BMP7: variants seen among roughly 807,000 people sequenced by gnomAD.
BMP7 encodes the protein bone morphogenetic protein 7, also known as osteogenic protein 1.
A neutral mutation model predicts 41.2 loss-of-function variants in BMP7; 12 were observed. The ratio of observed to expected loss-of-function variants is 0.29; its 90% CI spans 0.19 to 0.47. The LOEUF is 0.47. Ranked by LOEUF, BMP7 falls within the 20% of genes least tolerant of loss-of-function variation. The pLI is 0.99. For missense variants in BMP7, 467 were observed against 606.0 expected, an observed-to-expected ratio of 0.77 and a Z score of 2.41; for synonymous variants, 248 against 250.0, an observed-to-expected ratio of 0.99 and a Z score of 0.07.
At chr20:57,210,933 G>C (rs1449863917) in intron 2 of BMP7, among the ~76,000 whole-genome samples, 1 of 152,196 alleles carries the variant, frequency 6.6e-6, no homozygotes, top group Non-Finnish European at 1.5e-5. Context: ...ACCAGTTCTG[G>C]GCCATAATTT....
chr20:57,236,483 T>C (rs2123124901), intron 1 of BMP7, among the ~76,000 whole-genome samples: 1 of 152,310 alleles, frequency 6.6e-6, no homozygotes. Context: ...ATTGGGTTTA[T>C]GGATAAAGTT....
intron 1 of BMP7, among the ~76,000 whole-genome samples, chr20:57,246,932 T>C (rs902916292): frequency 6.6e-6 from 1 of 151,930 alleles, no homozygotes; most frequent in Admixed American, 6.6e-5. Flanking sequence ...GAAGTTGCAG[T>C]GAGCCAAGAT....
rs1984569547 is a variant in BMP7, at chr20:57,199,279, G to A, written c.760+3196C>T. 2.0e-5 allele frequency among the ~76,000 whole-genome samples: 3 copies of A among 152,190 alleles called. No individual in the cohort carries two copies. In the South Asian group the frequency reaches 6.2e-4, roughly 31 times the overall value. ...AACCCGAGGGGTACCTGTCAGCCCA[G>A]GCACCATCTTGTAAACAGGCTGCCC... On this transcript the variant is annotated intron_variant, in intron 3 of 6. Transcript: ENST00000395863.
At chr20:57,251,409 A>G (rs1457361766) in intron 1 of BMP7, among the ~76,000 whole-genome samples, 1 of 152,152 alleles carries the variant, frequency 6.6e-6, no homozygotes, top group Admixed American at 6.5e-5. Context: ...AACACAGGAG[A>G]ACAGGGTGCT....
intron 2 of BMP7, among the ~76,000 whole-genome samples, chr20:57,209,394 G>A (rs1984829226): frequency 1.3e-5 from 2 of 151,228 alleles, no homozygotes; most frequent in Admixed American, 1.3e-4. Flanking sequence ...GCAGTGAGCT[G>A]TGATCACGCT....
chr20:57,265,525 A>C (rs2066173125), intron 1 of BMP7, among the ~76,000 whole-genome samples, 180 bp downstream of exon 1: 1 of 152,178 alleles, frequency 6.6e-6, no homozygotes, highest in South Asian at 2.1e-4. Context: ...AGCGCGCCCG[A>C]CCTGGGGGCG....
chr20:57,185,543 G>A (rs1427245437), intron 3 of BMP7, among the ~76,000 whole-genome samples: 1 of 152,202 alleles, frequency 6.6e-6, no homozygotes, highest in African/African-American at 2.4e-5. Flanking sequence ...GGAAATAGAG[G>A]GTGGAAGACA....
chr20:57,218,104 GAC>G (rs1985077387), intron 2 of BMP7, among the ~76,000 whole-genome samples: 1 of 152,104 alleles, frequency 6.6e-6, no homozygotes, highest in Non-Finnish European at 1.5e-5. Context: ...CACAGGGCCC[GAC>G]ACACAGAAGT....
chr20:57,174,816 G>A lies in BMP7; in HGVS notation c.1035+115C>T, dbSNP rs1380873772. On this transcript the variant is annotated intron_variant, in intron 5 of 6. Coordinates refer to ENST00000395863, the MANE Select transcript of BMP7 (RefSeq NM_001719.3). The surrounding 1 kb of genome is among the most constrained non-coding windows in gnomAD (Gnocchi z 4.3). ...GTCCCCTTCCCTAGCGAGGCCACTT[G>A]ATACTGGAGTCTTAACTGGCAGAGA... The A allele has an allele frequency of 8.4e-7, 1 of 1,191,004 alleles. No homozygotes were observed. Among genetic ancestry groups the A allele is most frequent in the Non-Finnish European group, 1.2e-6 (1 of 832,076 alleles). The allele number at this position is 1,191,004 out of a possible 1,614,324, so 73.8% of individuals were successfully genotyped here. A position where few individuals can be genotyped will look rare whatever the true frequency, so the allele number is the denominator to read the frequency against.
chr20:57,188,199 C>T (rs1055149884), intron 3 of BMP7, among the ~76,000 whole-genome samples: 3 of 152,072 alleles, frequency 2.0e-5, no homozygotes, highest in South Asian at 2.1e-4. Context: ...GGAAACAACC[C>T]GATGTCCATT....
At chr20:57,172,099 T>C (rs1208354727) in intron 6 of BMP7, among the ~76,000 whole-genome samples, 2 of 152,184 alleles carry the variant, frequency 1.3e-5, no homozygotes, top group Non-Finnish European at 2.9e-5. Context: ...ATGGCACTCC[T>C]GTTCCATGGG....
intron 1 of BMP7, among the ~76,000 whole-genome samples, chr20:57,240,934 C>A (rs1320635437): frequency 3.9e-5 from 6 of 152,188 alleles, no homozygotes; most frequent in African/African-American, 1.4e-4. Flanking sequence ...ATATCAGTGA[C>A]CATCCTGATG....
Position 57,216,143 on chromosome 20 carries a change from C to T in BMP7, c.611+12086G>A, listed in dbSNP as rs577963519. The stretch of plus-strand genomic sequence containing the variant: ...GGTAGCATCCTGAAGCCGGGGGGGT[C>T]CAGGAAGGGGGCAGGCTGAGGACAT... On this transcript the variant is annotated intron_variant, in intron 2 of 6. Transcript: ENST00000395863. Among the ~76,000 whole-genome samples, 99 of 152,152 alleles carry T rather than the reference C, an allele frequency of 6.5e-4. 1 individual carries two copies. Among genetic ancestry groups the T allele is most frequent in the Admixed American group, 1.0e-3 (16 of 15,290 alleles).
rs375368341 is a variant in BMP7 at position 57,228,453 on chromosome 20, G to A, written c.419-32C>T. The stretch of plus-strand genomic sequence containing the variant: ...GAGGAAGAGAACACACACCAACACC[G>A]ACAGCTCATTAGTGTCTGGGTTTCA... On this transcript the variant is annotated intron_variant, in intron 1 of 6. Coordinates refer to ENST00000395863, the MANE Select transcript of BMP7 (RefSeq NM_001719.3). This position sits in a 1 kb window ranked among gnomAD's most constrained non-coding sequence, Gnocchi z 4.5. 4.2e-5 allele frequency: 68 copies of A among 1,607,368 alleles called. No individual in the cohort carries two copies. Among genetic ancestry groups the A allele is most frequent in the East Asian group, 6.7e-5 (3 of 44,862 alleles).
At position 57,265,914 on chromosome 20, in the gene BMP7, G is replaced by A. The variant is rs867354171; in HGVS notation, c.209C>T (p.Pro70Leu). ...CGAGTTGTGCTTGCCCTGGAGGTGC[G>A]GGCGCGGGCGGTGGGGCAAGCCCAA... ...SILGLPHRPR[P>L]HLQGKHNSAP... Residue 70 changes from proline to leucine, a missense_variant, in exon 1 of 7, where the codon CCG becomes CTG. Physicochemically the swap from Pro to Leu is moderately conservative, Grantham distance 98. Transcript: ENST00000395863. 1.9e-6 allele frequency: 3 copies of A among 1,573,232 alleles called. No individual in the cohort carries two copies. The highest frequency in any genetic ancestry group is 1.7e-6 in the Non-Finnish European group (2 of 1,158,760).
At position 57,230,147 on chromosome 20, in the gene BMP7, G is replaced by A. The variant is rs1035408413; in HGVS notation, c.419-1726C>T. On this transcript the variant is annotated intron_variant, in intron 1 of 6. Transcript: ENST00000395863. Reference sequence around the variant, plus strand: ...GGAAGGACTCTCCAGAAACCGTTCCGGGGTCCTTCCAGATGACAGCTCTGC... The same window carrying A: ...GGAAGGACTCTCCAGAAACCGTTCCAGGGTCCTTCCAGATGACAGCTCTGC... Among the ~76,000 whole-genome samples the A allele has an allele frequency of 1.2e-4, 19 of 152,100 alleles. 1 individual carries two copies. Among genetic ancestry groups the A allele is most frequent in the Admixed American group, 1.2e-3 (18 of 15,276 alleles).
chr20:57,198,667 C>A (rs112550541), intron 3 of BMP7, among the ~76,000 whole-genome samples: 2,867 of 152,228 alleles, frequency 0.019, 98 homozygotes, highest in African/African-American at 0.065. Flanking sequence ...CAGAAGGGCA[C>A]CTCCGCACTT....
chr20:57,225,593 T>C (rs371468327), intron 2 of BMP7, among the ~76,000 whole-genome samples: 54 of 152,298 alleles, frequency 3.5e-4, no homozygotes, highest in African/African-American at 1.3e-3. Context: ...CATGGGTAGC[T>C]GGTGGCAGGA....
intron 1 of BMP7, among the ~76,000 whole-genome samples, chr20:57,262,316 C>G (rs2066157366): frequency 6.6e-6 from 1 of 152,204 alleles, no homozygotes; most frequent in South Asian, 2.1e-4. Context: ...GTTTACAAAT[C>G]TTGCCATTGA....
Sources: gnomAD v4.1 joint callset for allele counts (sites outside exome capture counted in the v4.1 genomes callset) on GRCh38, gnomAD v4.1.1 for gene constraint, Gnocchi (gnomAD v3.1) non-coding constraint, MANE v1.5 for transcripts, NCBI Gene and HGNC (gene_info 2026-07-23, HGNC 2026-07-21) for gene names.